The following PER2 variants were observed in gnomAD, a reference collection of about 807,000 sequenced individuals.
PER2 encodes period circadian regulator 2.
PER2 carries 66 observed loss-of-function variants against 121.0 expected under a neutral mutation model. The observed-to-expected ratio is 0.55, with a 90% confidence interval of 0.45 to 0.67. The LOEUF is 0.67. PER2 is among the 30% of genes least tolerant of loss of function. The pLI, the probability that PER2 is intolerant of heterozygous loss-of-function variation, is 0.00. For missense variants in PER2, 1,521 were observed against 1,635.0 expected (o/e 0.93, Z 1.20); for synonymous variants, 684 against 659.9 (o/e 1.04, Z -0.56).
chr2:238,254,217 T>G (rs114515783), intron 18 of PER2: 3 of 176,764 alleles, frequency 1.7e-5, no homozygotes, highest in Non-Finnish European at 3.6e-5. Flanking sequence ...GAGCATTGCC[T>G]TGCAACCAAA....
intron 5 of PER2, among the ~76,000 whole-genome samples, chr2:238,272,770 G>A (rs1358854042): frequency 2.0e-5 from 3 of 152,184 alleles, no homozygotes; most frequent in South Asian, 2.1e-4. Flanking sequence ...TCCTCACCTC[G>A]AGGACATGAA....
Position 238,257,090 on chromosome 2 carries a change from C to T in PER2, c.1901-4G>A. 6.2e-7 allele frequency: 1 copy of T among 1,610,954 alleles called. No individual in the cohort carries two copies. The highest frequency in any genetic ancestry group is 2.2e-5 in the East Asian group (1 of 44,872). ...ACCCTGGAGGGCGGCTCTGCCTCTT[C>T]ATGAGAGGAAGGGGGAACAAACATT... On this transcript the variant is annotated splice_region_variant and splice_polypyrimidine_tract_variant and intron_variant, in intron 16 of 22. Transcript: ENST00000254657.
the PER2 span, chr2:238,298,549 A>G: frequency 3.9e-5 from 6 of 152,194 alleles, no homozygotes; most frequent in African/African-American, 1.4e-4. Flanking sequence ...CTGTTCTTCC[A>G]TGGCTTGTGG....
intron 22 of PER2, among the ~76,000 whole-genome samples, chr2:238,247,796 A>G (rs1695487939): frequency 6.6e-6 from 1 of 152,218 alleles, no homozygotes; most frequent in Non-Finnish European, 1.5e-5. Flanking sequence ...AGATGTGGAT[A>G]GGTGGTCAGA....
At chr2:238,280,227 C>T (rs1261497525) in intron 1 of PER2, among the ~76,000 whole-genome samples, 2 of 152,228 alleles carry the variant, frequency 1.3e-5, no homozygotes, top group Non-Finnish European at 2.9e-5. Context: ...CAACAAGAGC[C>T]TTCAGCATCC....
At position 238,271,616 on chromosome 2, in the gene PER2, G is replaced by A. The variant is rs189882004; in HGVS notation, c.571-103C>T. On this transcript the variant is annotated intron_variant, in intron 5 of 22. Coordinates refer to ENST00000254657, the MANE Select transcript of PER2 (RefSeq NM_022817.3). ...GAGGGAGCCGCCCACCAGGAGCGTTGGAGGTGGGGGGCTCTCTGACTCCCT... is the reference window on the plus strand; with the variant it reads ...GAGGGAGCCGCCCACCAGGAGCGTTAGAGGTGGGGGGCTCTCTGACTCCCT... 9.5e-4 allele frequency: 790 copies of A among 834,880 alleles called. 5 individuals are homozygous for A. The African/African-American group carries it at 0.012, about 13-fold the overall frequency. 51.7% of individuals were successfully genotyped at this position (834,880 alleles called of 1,614,324 possible). A position where few individuals can be genotyped will look rare whatever the true frequency, so the allele number is the denominator to read the frequency against.
chr2:238,289,848 C>T (rs576781605), upstream of PER2: 2 of 152,358 alleles, frequency 1.3e-5, no homozygotes, highest in South Asian at 4.1e-4. Context: ...TTTAAAGTGT[C>T]AGGAGAAAGA....
chr2:238,256,825 G>T lies in PER2; in HGVS notation c.2065+97C>A, dbSNP rs1574843691. ...AAACGCCCCCTATCGGGCTATGGTG[G>T]AGTTCTTCTGCACTTAGAAAAATTT... On this transcript the variant is annotated intron_variant, in intron 17 of 22. Transcript: ENST00000254657. The T allele has an allele frequency of 1.9e-5, 24 of 1,241,094 alleles. No individual in the cohort carries two copies. In the East Asian group the frequency reaches 5.3e-4, roughly 28 times the overall value. The allele number at this position is 1,241,094 out of a possible 1,614,324, so 76.9% of individuals were successfully genotyped here.
At chr2:238,279,507 G>C in intron 1 of PER2, among the ~76,000 whole-genome samples, 1 of 152,312 alleles carries the variant, frequency 6.6e-6, no homozygotes, top group Middle Eastern at 3.4e-3. Flanking sequence ...CTGTGTGGGG[G>C]CCTCCTGCTT....
At chr2:238,289,644 C>T (rs1393340210), upstream of PER2, 1 of 152,268 alleles carries the variant, frequency 6.6e-6, no homozygotes, top group Non-Finnish European at 1.5e-5. Flanking sequence ...GAGCTATCCC[C>T]ACAGGCTCCG....
At chr2:238,276,207 G>T (rs559950273) in intron 3 of PER2, among the ~76,000 whole-genome samples, 47 of 151,788 alleles carry the variant, frequency 3.1e-4, no homozygotes, top group African/African-American at 1.0e-3. Context: ...GGTGGCCCTT[G>T]GTGGGGCTCT....
upstream of PER2, chr2:238,289,337 C>G (rs1182415396): frequency 6.6e-6 from 1 of 152,202 alleles, no homozygotes; most frequent in African/African-American, 2.4e-5. Context: ...CGGAGCAGCC[C>G]AGGAGAAGGT....
At chr2:238,269,911 G>C (rs571947747) in intron 6 of PER2, among the ~76,000 whole-genome samples, 276 of 152,370 alleles carry the variant, frequency 1.8e-3, no homozygotes, top group African/African-American at 5.5e-3. Context: ...AGTAAGAGCA[G>C]GTACTTAAGG....
At position 238,260,052 on chromosome 2, in the gene PER2, T is replaced by A. The variant is rs1695881277; in HGVS notation, c.1544A>T (p.Glu515Val). ...GHEDSRRRRA[E>V]ICKNGNKTKN... is the part of the protein sequence containing the mutation. ...GGTCTTGTTACCATTTTTACAAATT[T>A]CCTTGAAGAAAAACAAAATGAACAC... Residue 515 changes from glutamate to valine, a missense_variant and splice_region_variant, in exon 14 of 23, where the codon GAA becomes GTA. Coordinates refer to ENST00000254657, the MANE Select transcript of PER2 (RefSeq NM_022817.3). 8 of 1,400,178 alleles carry A rather than the reference T, an allele frequency of 5.7e-6. No homozygotes were observed. The East Asian group carries it at 1.8e-4, about 32-fold the overall frequency. 86.7% of individuals were successfully genotyped at this position (1,400,178 alleles called of 1,614,324 possible).
At chr2:238,285,571 A>AT (rs1696757971) in intron 1 of PER2, among the ~76,000 whole-genome samples, 2 of 152,210 alleles carry the variant, frequency 1.3e-5, no homozygotes, top group Non-Finnish European at 2.9e-5. Flanking sequence ...GCGGAAAAGC[A>AT]TTTTTTGTGG....
chr2:238,257,759 C>A (rs1390863164), intron 16 of PER2, among the ~76,000 whole-genome samples: 2 of 152,258 alleles, frequency 1.3e-5, no homozygotes, highest in Non-Finnish European at 2.9e-5. Flanking sequence ...CAGGCGTGAG[C>A]CACCGCGCCC....
Position 238,245,042 on chromosome 2 carries a change from TAAAAAAAAAAAAAA to T in PER2, c.*1319_*1332del, listed in dbSNP as rs71402776. ...AGCCTGGGCAAAAAGAAACTCCATC[TAAAAAAAAAAAAAA>T]AAAAAAAAAAAAAAGAAAACCCTGG... On this transcript the variant is annotated 3_prime_UTR_variant, in exon 23 of 23. Transcript: ENST00000254657. 2.4e-4 allele frequency: 10 copies of T among 40,978 alleles called. No individual in the cohort carries two copies. The highest frequency in any genetic ancestry group is 8.3e-4 in the African/African-American group (8 of 9,674). 2.5% of individuals were successfully genotyped at this position (40,978 alleles called of 1,614,324 possible). A position where few individuals can be genotyped will look rare whatever the true frequency, so the allele number is the denominator to read the frequency against.
chr2:238,272,258 C>T (rs1696313386), intron 5 of PER2, among the ~76,000 whole-genome samples: 1 of 152,236 alleles, frequency 6.6e-6, no homozygotes. Flanking sequence ...ACCCCGCTGT[C>T]TTGGACATGG....
rs1478396405 is a variant in PER2, at chr2:238,253,524, G to C, written c.2499C>G (p.Pro833=). Residue 833 remains proline (P), a synonymous_variant, in exon 19 of 23, where the codon CCC becomes CCG. Coordinates refer to ENST00000254657, the MANE Select transcript of PER2 (RefSeq NM_022817.3). This position sits in a 1 kb window ranked among gnomAD's most constrained non-coding sequence, Gnocchi z 5.6. ...LVGLNATAWS[P]SDTSQSSCPA... Reference sequence around the variant, plus strand: ...GGCAGCTGGACTGGGACGTGTCTGAGGGTGACCAGGCTGTGGCGTTCAAGC... The same window carrying C: ...GGCAGCTGGACTGGGACGTGTCTGACGGTGACCAGGCTGTGGCGTTCAAGC... The C allele has an allele frequency of 6.2e-7, 1 of 1,611,532 alleles. No individual in the cohort carries two copies. The highest frequency in any genetic ancestry group is 8.5e-7 in the Non-Finnish European group (1 of 1,179,320).
Sources: gnomAD v4.1 joint callset for allele counts (sites outside exome capture counted in the v4.1 genomes callset) on GRCh38, gnomAD v4.1.1 for gene constraint, Gnocchi (gnomAD v3.1) non-coding constraint, MANE v1.5 for transcripts, NCBI Gene and HGNC (gene_info 2026-07-23, HGNC 2026-07-21) for gene names.